The following KCNQ5 variants were observed in gnomAD, a reference collection of about 807,000 sequenced individuals.
KCNQ5 encodes potassium voltage-gated channel subfamily KQT member 5.
A neutral mutation model predicts 98.2 loss-of-function variants in KCNQ5; 30 were observed. That is an observed-to-expected ratio of 0.31 (90% CI 0.23 to 0.41). The LOEUF (loss-of-function observed/expected upper bound fraction) is 0.41, where lower values mean the gene tolerates loss of function less well. KCNQ5 is among the 10% of genes least tolerant of loss of function. The pLI is 1.00. For missense variants in KCNQ5, 835 were observed against 1,182.5 expected, an observed-to-expected ratio of 0.71 and a Z score of 4.31; for synonymous variants, 458 against 449.4, an observed-to-expected ratio of 1.02 and a Z score of -0.24.
At chr6:72,789,153 A>ATG (rs58557571) in intron 1 of KCNQ5, among the ~76,000 whole-genome samples, 8,723 of 148,762 alleles carry the variant, frequency 0.059, 625 homozygotes, top group African/African-American at 0.18. Context: ...GTTCATGTGT[A>ATG]TGTGTGTGTG....
intron 2 of KCNQ5, among the ~76,000 whole-genome samples, chr6:73,033,762 T>C (rs1289749728): frequency 6.6e-6 from 1 of 151,146 alleles, no homozygotes; most frequent in Non-Finnish European, 1.5e-5. Flanking sequence ...CTAGCCAACT[T>C]AGTGAAGTTC....
chr6:73,195,059 T>A lies in KCNQ5; in HGVS notation c.2444T>A (p.Leu815Gln). The change falls in exon 14 of 14, where the codon CTG (leucine) becomes CAG (glutamine). Residue 815 changes from leucine to glutamine, a missense_variant. Around this residue, in one of 10 missense-constraint regions of KCNQ5, gnomAD observed 416 missense variants for 446.9 expected, o/e 0.93. Coordinates refer to ENST00000370398, the MANE Select transcript of KCNQ5 (RefSeq NM_019842.4). ...AGCTTTGACATGGGAGGAGAAACTC[T>A]GTTGTCTGTCTGTCCCATGGTGCCG... ...RKSFDMGGET[L>Q]LSVCPMVPKD... 6.2e-7 allele frequency: 1 copy of A among 1,614,212 alleles called. No homozygotes were observed. The highest frequency in any genetic ancestry group is 2.2e-5 in the East Asian group (1 of 44,890).
chr6:72,853,229 C>A (rs1218545877), intron 1 of KCNQ5, among the ~76,000 whole-genome samples: 1 of 152,156 alleles, frequency 6.6e-6, no homozygotes, highest in Non-Finnish European at 1.5e-5. Context: ...TTGAATAAGA[C>A]ATATGTATTT....
intron 1 of KCNQ5, among the ~76,000 whole-genome samples, chr6:72,902,729 T>G (rs1779559281): frequency 6.6e-6 from 1 of 152,230 alleles, no homozygotes; most frequent in Non-Finnish European, 1.5e-5. Context: ...GATATGTTGT[T>G]AGATTCGGTT....
rs975417462 is a variant in KCNQ5 at position 72,738,585 on chromosome 6, C to G, written c.398+115998C>G. Reference sequence around the variant, plus strand: ...TTGTATTGATTTATGACGTTATTTTCCATGGTCAATTACAAGAATTTGCAT... The same window carrying G: ...TTGTATTGATTTATGACGTTATTTTGCATGGTCAATTACAAGAATTTGCAT... On this transcript the variant is annotated intron_variant, in intron 1 of 13. Transcript: ENST00000370398. Among the ~76,000 whole-genome samples the G allele has an allele frequency of 2.6e-5, 4 of 151,620 alleles. No homozygotes were observed. In the South Asian group the frequency reaches 8.4e-4, roughly 32 times the overall value.
chr6:72,987,313 TGGACGAGGC>T, intron 1 of KCNQ5: 1 of 702,306 alleles, frequency 1.4e-6, no homozygotes, highest in South Asian at 1.4e-5. Flanking sequence ...AAAGGCAACA[TGGACGAGGC>T]GCACATAGAC....
chr6:72,696,350 T>A lies in KCNQ5; in HGVS notation c.398+73763T>A, dbSNP rs140301865. Among the ~76,000 whole-genome samples, 21 of 152,280 alleles carry A rather than the reference T, an allele frequency of 1.4e-4. 1 individual carries two copies. In the East Asian group the frequency reaches 3.9e-3, roughly 28 times the overall value. On this transcript the variant is annotated intron_variant, in intron 1 of 13. Transcript: ENST00000370398. Reference sequence around the variant, plus strand: ...CCACATATAAATCTACAAACAATACTTGATAAAATACGGGTGTGAAAAAAT... The same window carrying A: ...CCACATATAAATCTACAAACAATACATGATAAAATACGGGTGTGAAAAAAT...
At chr6:72,719,170 C>T (rs1440202269) in intron 1 of KCNQ5, among the ~76,000 whole-genome samples, 1 of 152,204 alleles carries the variant, frequency 6.6e-6, no homozygotes, top group Non-Finnish European at 1.5e-5. Context: ...CAGCAGGAAT[C>T]TGAATTCCCG....
chr6:72,870,898 G>A (rs181724620), intron 1 of KCNQ5, among the ~76,000 whole-genome samples: 2 of 152,234 alleles, frequency 1.3e-5, no homozygotes, highest in East Asian at 3.9e-4. Flanking sequence ...CACTAGAAGA[G>A]GATGATGGTT....
intron 1 of KCNQ5, among the ~76,000 whole-genome samples, chr6:72,983,786 C>CTT (rs111347315): frequency 1.3e-5 from 2 of 152,036 alleles, no homozygotes; most frequent in African/African-American, 2.4e-5. Context: ...CTTTTCTGTT[C>CTT]TTGTTTCTCC....
chr6:72,890,036 C>T (rs936470736), intron 1 of KCNQ5, among the ~76,000 whole-genome samples: 3 of 152,154 alleles, frequency 2.0e-5, no homozygotes, highest in Admixed American at 6.5e-5. Flanking sequence ...TTACCCTCAG[C>T]GAGCAGTCAC....
At chr6:72,909,436 C>T (rs1045729171) in intron 1 of KCNQ5, among the ~76,000 whole-genome samples, 4 of 152,120 alleles carry the variant, frequency 2.6e-5, no homozygotes, top group African/African-American at 9.7e-5. Context: ...GGAAATTAAG[C>T]GTTAAATTTT....
chr6:72,645,705 C>T lies in KCNQ5; in HGVS notation c.398+23118C>T, dbSNP rs77079211. Among the ~76,000 whole-genome samples the T allele has an allele frequency of 7.9e-3, 1,206 of 152,162 alleles. 16 individuals are homozygous for T. The highest frequency in any genetic ancestry group is 0.027 in the African/African-American group (1,140 of 41,522). ...ACTCAGAGTTCTTGGATCTCACCTT[C>T]CTCAGGATGTCCAGACTCAAGAGCA... On this transcript the variant is annotated intron_variant, in intron 1 of 13. Transcript: ENST00000370398.
At chr6:73,033,983 T>C (rs1040244582) in intron 2 of KCNQ5, among the ~76,000 whole-genome samples, 1 of 152,240 alleles carries the variant, frequency 6.6e-6, no homozygotes, top group Non-Finnish European at 1.5e-5. Flanking sequence ...TTATAGTTAG[T>C]AAGCATGTTT....
intron 1 of KCNQ5, among the ~76,000 whole-genome samples, chr6:72,997,179 C>G (rs544060616): frequency 1.3e-4 from 20 of 152,138 alleles, no homozygotes; most frequent in Non-Finnish European, 2.8e-4. Flanking sequence ...TAATCCCTGT[C>G]CTCAAAGGGA....
chr6:72,751,508 A>T (rs1178537286), intron 1 of KCNQ5, among the ~76,000 whole-genome samples: 4 of 152,090 alleles, frequency 2.6e-5, no homozygotes, highest in African/African-American at 9.7e-5. Flanking sequence ...AAATATACAC[A>T]TTTACAATAC....
At chr6:72,683,118 G>A (rs1200695861) in intron 1 of KCNQ5, among the ~76,000 whole-genome samples, 1 of 152,140 alleles carries the variant, frequency 6.6e-6, no homozygotes, top group African/African-American at 2.4e-5. Context: ...TTTGTTAAGT[G>A]GAGAAATTAT....
At chr6:72,929,341 G>A (rs1257530559) in intron 1 of KCNQ5, among the ~76,000 whole-genome samples, 1 of 152,084 alleles carries the variant, frequency 6.6e-6, no homozygotes, top group Non-Finnish European at 1.5e-5. Context: ...AAGACCAAAT[G>A]GACAATGAAC....
At chr6:72,650,890 A>G (rs943784278) in intron 1 of KCNQ5, among the ~76,000 whole-genome samples, 5 of 152,232 alleles carry the variant, frequency 3.3e-5, no homozygotes, top group African/African-American at 1.2e-4. Flanking sequence ...TGCAGTAACT[A>G]ATCCATGGAG....
Sources: allele counts gnomAD v4.1 joint callset (sites outside exome capture counted in the v4.1 genomes callset), GRCh38; gene constraint gnomAD v4.1.1; regional missense constraint gnomAD v4.1.1; transcripts MANE v1.5; gene names NCBI Gene and HGNC (gene_info 2026-07-23, HGNC 2026-07-21).